The following ACBD6 variants were observed in gnomAD, a reference collection of about 807,000 sequenced individuals.
The protein encoded by ACBD6 is acyl-CoA-binding domain-containing protein 6.
A neutral mutation model predicts 37.2 loss-of-function variants in ACBD6; 28 were observed. That is an observed-to-expected ratio of 0.75 (90% CI 0.56 to 1.03). ACBD6 has a LOEUF of 1.03. Among genes scored for constraint, ACBD6 ranks in the 50% least tolerant of loss-of-function variants. ACBD6 has a pLI of 0.00. For missense variants in ACBD6, 340 were observed against 337.4 expected, an observed-to-expected ratio of 1.01 and a Z score of -0.06; for synonymous variants, 113 against 126.8, an observed-to-expected ratio of 0.89 and a Z score of 0.73.
Position 180,413,402 on chromosome 1 carries a change from T to C in ACBD6, c.537A>G (p.Lys179=), listed in dbSNP as rs1449543599. The change falls in exon 5 of 8, where the codon AAA becomes AAG. Residue 179 remains lysine (K), a synonymous_variant. Transcript: ENST00000367595. The part of the protein sequence containing the change: ...NNIDHITKAI[K]SKNVDVNVKD... ...TCACATTCACATCCACATTTTTCGATTTGATGGCTTTGGTTATATGGTCAA... is the reference window on the plus strand; with the variant it reads ...TCACATTCACATCCACATTTTTCGACTTGATGGCTTTGGTTATATGGTCAA... 5 of 1,613,500 alleles carry C rather than the reference T, an allele frequency of 3.1e-6. No homozygotes were observed. In the South Asian group the frequency reaches 5.5e-5, roughly 18 times the overall value.
chr1:180,471,901 G>C (rs1557884739), intron 3 of ACBD6, among the ~76,000 whole-genome samples: 1 of 152,090 alleles, frequency 6.6e-6, no homozygotes, highest in Non-Finnish European at 1.5e-5. Flanking sequence ...AAGTATGGTT[G>C]GTATAGCAAA....
At chr1:180,271,731 C>T in exon 14 of ACBD6, 3 of 1,376,492 alleles carry the variant, frequency 2.2e-6, no homozygotes, top group East Asian at 2.3e-5. Context: ...ACCTGTGCTC[C>T]ATTCAGGCTT....
At chr1:180,351,218 C>T (rs1201276348) in intron 6 of ACBD6, among the ~76,000 whole-genome samples, 1 of 151,474 alleles carries the variant, frequency 6.6e-6, no homozygotes, top group Non-Finnish European at 1.5e-5. Context: ...CATTCTATAG[C>T]TTATATTACT....
chr1:180,494,529 G>A (rs969513664), intron 2 of ACBD6, among the ~76,000 whole-genome samples: 12 of 152,264 alleles, frequency 7.9e-5, no homozygotes, highest in African/African-American at 2.4e-4. Context: ...AGTGACATAC[G>A]TGATTTATAT....
In ACBD6 at chr1:180,423,925, G is replaced by T. The variant is rs184335370; in HGVS notation, c.467+6255C>A. On this transcript the variant is annotated intron_variant, in intron 4 of 7. Coordinates refer to ENST00000367595, the MANE Select transcript of ACBD6 (RefSeq NM_032360.4). The stretch of plus-strand genomic sequence containing the variant: ...TAAGTCTAAAATCAGTAAGATAATC[G>T]ATCCAAAGGAAATATCATCATCAGT... Among the ~76,000 whole-genome samples, 70 of 152,124 alleles carry T rather than the reference G, an allele frequency of 4.6e-4. No homozygotes were observed. In the Middle Eastern group the frequency reaches 0.014, roughly 30 times the overall value.
chr1:180,289,670 G>C (rs1046407896), intron 7 of ACBD6, among the ~76,000 whole-genome samples: 1 of 152,026 alleles, frequency 6.6e-6, no homozygotes, highest in African/African-American at 2.4e-5. Context: ...CAGCCCAAAC[G>C]CTCATTAATG....
chr1:180,311,852 C>T (rs927889514), intron 7 of ACBD6, among the ~76,000 whole-genome samples: 2 of 152,052 alleles, frequency 1.3e-5, no homozygotes, highest in Non-Finnish European at 2.9e-5. Context: ...GCTTTTTGTC[C>T]TTAGTACCAT....
intron 2 of ACBD6, among the ~76,000 whole-genome samples, 156 bp from the exon 3 acceptor site, chr1:180,492,521 T>C (rs1651545449): frequency 1.3e-5 from 2 of 152,238 alleles, no homozygotes; most frequent in African/African-American, 4.8e-5. Context: ...TGCATTTACA[T>C]TGGTCTAGAG....
At chr1:180,474,081 A>G (rs914561310) in intron 3 of ACBD6, among the ~76,000 whole-genome samples, 5 of 152,198 alleles carry the variant, frequency 3.3e-5, no homozygotes, top group Non-Finnish European at 5.9e-5. Context: ...TAGTATTTCA[A>G]AATACTTCCA....
At chr1:180,476,869 C>A (rs1557886735) in intron 3 of ACBD6, among the ~76,000 whole-genome samples, 1 of 151,854 alleles carries the variant, frequency 6.6e-6, no homozygotes, top group East Asian at 1.9e-4. Flanking sequence ...AACAAGAAAA[C>A]TCAAAAACAA....
intron 4 of ACBD6, among the ~76,000 whole-genome samples, chr1:180,426,868 G>C (rs1274833739): frequency 6.6e-6 from 1 of 152,172 alleles, no homozygotes; most frequent in African/African-American, 2.4e-5. Context: ...AGATCACACA[G>C]CTAGTAAGTG....
intron 6 of ACBD6, among the ~76,000 whole-genome samples, chr1:180,335,664 T>C (rs943848560): frequency 4.0e-5 from 6 of 150,124 alleles, no homozygotes; most frequent in Admixed American, 3.3e-4. Context: ...CATAACAATA[T>C]TAACCTTAAA....
intron 6 of ACBD6, among the ~76,000 whole-genome samples, chr1:180,333,913 C>T (rs1047879855): frequency 3.9e-5 from 6 of 152,208 alleles, no homozygotes; most frequent in African/African-American, 1.2e-4. Context: ...GAGCCTCGCT[C>T]ATTGCTAGCA....
intron 3 of ACBD6, among the ~76,000 whole-genome samples, chr1:180,468,900 T>C (rs1421192485): frequency 6.6e-6 from 1 of 152,208 alleles, no homozygotes. Flanking sequence ...TAAGAAAAAT[T>C]TGCAATTCCA....
intron 6 of ACBD6, among the ~76,000 whole-genome samples, chr1:180,346,429 C>T (rs1020860996): frequency 6.6e-6 from 1 of 152,102 alleles, no homozygotes; most frequent in Non-Finnish European, 1.5e-5. Context: ...CCTTGAGTGA[C>T]GGTGGCACCA....
exon 14 of ACBD6, chr1:180,271,649 CT>C: frequency 7.0e-7 from 1 of 1,426,774 alleles, no homozygotes; most frequent in Non-Finnish European, 9.8e-7. Flanking sequence ...GACCCCAGGG[CT>C]TTTGCCAGAA....
chr1:180,276,085 G>A (rs952944397), intron 9 of ACBD6: 2 of 13,088 alleles, frequency 1.5e-4, no homozygotes, highest in Non-Finnish European at 2.7e-4. Flanking sequence ...TGTCCCTCTG[G>A]GAAGCTGTGT....
At chr1:180,493,014 T>C (rs1651566807) in intron 2 of ACBD6, among the ~76,000 whole-genome samples, 1 of 151,864 alleles carries the variant, frequency 6.6e-6, no homozygotes. Context: ...TTTGGGAGGC[T>C]GAGGCAGGTG....
downstream of ACBD6, among the ~76,000 whole-genome samples, chr1:180,285,141 A>C (rs534549544): frequency 3.9e-5 from 6 of 152,332 alleles, no homozygotes; most frequent in East Asian, 1.2e-3. Flanking sequence ...TGACTCAAAA[A>C]GACGAAAAAA....
Sources: allele counts gnomAD v4.1 joint callset (sites outside exome capture counted in the v4.1 genomes callset), GRCh38; gene constraint gnomAD v4.1.1; transcripts MANE v1.5; gene names NCBI Gene and HGNC (gene_info 2026-07-23, HGNC 2026-07-21).